The following SAXO1 variants were observed in gnomAD, a reference collection of about 807,000 sequenced individuals.
The protein encoded by SAXO1 is 4930500O09Rik.
A neutral mutation model predicts 17.5 loss-of-function variants in SAXO1; 21 were observed. The observed-to-expected ratio is 1.20, with a 90% confidence interval of 0.85 to 1.72. The LOEUF is 1.72. Ranked by LOEUF, SAXO1 falls within the 40% of genes most tolerant of loss-of-function variation. SAXO1 has a pLI of 0.00. For missense variants in SAXO1, 843 were observed against 596.0 expected, an observed-to-expected ratio of 1.41 and a Z score of -4.32; for synonymous variants, 274 against 216.5, an observed-to-expected ratio of 1.27 and a Z score of -2.33.
At chr9:19,016,611 G>A (rs1834984889) in intron 1 of SAXO1, among the ~76,000 whole-genome samples, 1 of 151,948 alleles carries the variant, frequency 6.6e-6, no homozygotes, top group Non-Finnish European at 1.5e-5. Flanking sequence ...AGTGGGTAGT[G>A]GTCAAGGATA....
At chr9:19,025,604 G>A (rs1202951702) in intron 1 of SAXO1, among the ~76,000 whole-genome samples, 1 of 151,984 alleles carries the variant, frequency 6.6e-6, no homozygotes, top group Non-Finnish European at 1.5e-5. Context: ...GTCCTCTATG[G>A]GACTACCTTT....
At chr9:18,959,703 G>T (rs1373763538) in intron 1 of SAXO1, among the ~76,000 whole-genome samples, 3 of 151,942 alleles carry the variant, frequency 2.0e-5, no homozygotes, top group African/African-American at 7.3e-5. Flanking sequence ...CCAGGGAGGC[G>T]GAGGTTGCAA....
intron 3 of SAXO1, among the ~76,000 whole-genome samples, chr9:18,931,669 C>T (rs1490563735): frequency 1.3e-5 from 2 of 152,176 alleles, no homozygotes; most frequent in African/African-American, 4.8e-5. Flanking sequence ...TCTCCACATC[C>T]TTGTCAATAT....
At chr9:19,017,957 TAGG>T (rs1334026259) in intron 1 of SAXO1, among the ~76,000 whole-genome samples, 16 of 152,174 alleles carry the variant, frequency 1.1e-4, no homozygotes, top group Admixed American at 7.9e-4. Context: ...CACTTGAGCC[TAGG>T]AGGTGACGAT....
chr9:18,996,853 G>GA (rs1006146231), intron 1 of SAXO1, among the ~76,000 whole-genome samples: 76 of 150,698 alleles, frequency 5.0e-4, no homozygotes, highest in African/African-American at 1.8e-3. Context: ...AATGAGGCAA[G>GA]AAAAAAAACA....
rs147337661 is a variant in SAXO1 at position 18,965,036 on chromosome 9, G to A, written c.39-14099C>T. Among the ~76,000 whole-genome samples, 379 of 152,308 alleles carry A rather than the reference G, an allele frequency of 2.5e-3. 1 individual carries two copies. Among genetic ancestry groups the A allele is most frequent in the African/African-American group, 8.7e-3 (363 of 41,566 alleles). On this transcript the variant is annotated intron_variant, in intron 1 of 3. Transcript: ENST00000380534. ...TTACCCAGTAGACATTCAGGAGCAG[G>A]TTGTTCAGTTTCCATGTAGTCGTGC...
At chr9:18,940,901 T>G (rs551337816) in intron 3 of SAXO1, among the ~76,000 whole-genome samples, 1 of 152,314 alleles carries the variant, frequency 6.6e-6, no homozygotes, top group Admixed American at 6.5e-5. Context: ...TTATATAAAG[T>G]TCAAAACTGG....
At position 18,957,320 on chromosome 9, in the gene SAXO1, C is replaced by T. The variant is rs191305484; in HGVS notation, c.39-6383G>A. ...TAATAATCAGGGAAATAAAATGGAA[C>T]GCTAGATGTAGAAGAACCCTACAGA... On this transcript the variant is annotated intron_variant, in intron 1 of 3. Coordinates refer to ENST00000380534, the MANE Select transcript of SAXO1 (RefSeq NM_153707.4). Among the ~76,000 whole-genome samples the T allele has an allele frequency of 2.6e-5, 4 of 152,290 alleles. No homozygotes were observed. In the East Asian group the frequency reaches 5.8e-4, roughly 22 times the overall value.
At chr9:18,939,739 C>T (rs964221499) in intron 3 of SAXO1, among the ~76,000 whole-genome samples, 2 of 151,976 alleles carry the variant, frequency 1.3e-5, no homozygotes, top group East Asian at 3.9e-4. Context: ...GGGTTTTTAT[C>T]GTAATAGGAT....
intron 1 of SAXO1, among the ~76,000 whole-genome samples, chr9:19,040,552 G>A (rs1563998134): frequency 6.6e-6 from 1 of 152,038 alleles, no homozygotes; most frequent in Non-Finnish European, 1.5e-5. Flanking sequence ...GCTGAGGCAT[G>A]AGAATCACTT....
chr9:19,004,418 T>C lies in SAXO1; in HGVS notation c.38+28453A>G, dbSNP rs1032647938. 3.9e-5 allele frequency among the ~76,000 whole-genome samples: 6 copies of C among 152,214 alleles called. No individual in the cohort carries two copies. In the East Asian group the frequency reaches 5.8e-4, roughly 15 times the overall value. ...GCTACTATAAAGACACATGCACATA[T>C]ATGTTTATTGCGGCACTATTCACAA... On this transcript the variant is annotated intron_variant, in intron 1 of 3. Coordinates refer to ENST00000380534, the MANE Select transcript of SAXO1 (RefSeq NM_153707.4).
intron 1 of SAXO1, among the ~76,000 whole-genome samples, chr9:19,005,116 T>C (rs929213149): frequency 2.6e-5 from 4 of 152,122 alleles, no homozygotes; most frequent in African/African-American, 4.8e-5. Flanking sequence ...CTACAAGACA[T>C]TGCTGAAAGA....
At chr9:18,964,260 T>G (rs1371330429) in intron 1 of SAXO1, among the ~76,000 whole-genome samples, 1 of 152,232 alleles carries the variant, frequency 6.6e-6, no homozygotes. Flanking sequence ...TGCCAGATTT[T>G]GGTATCGGGA....
chr9:18,944,115 T>A (rs1344515939), intron 2 of SAXO1, among the ~76,000 whole-genome samples: 1 of 152,198 alleles, frequency 6.6e-6, no homozygotes, highest in African/African-American at 2.4e-5. Flanking sequence ...CCAATCGCCT[T>A]TTCCAGTATA....
intron 1 of SAXO1, among the ~76,000 whole-genome samples, chr9:18,965,964 G>C (rs1432756661): frequency 6.6e-6 from 1 of 152,280 alleles, no homozygotes; most frequent in Non-Finnish European, 1.5e-5. Flanking sequence ...CTCAGCATTG[G>C]CTTGTCTGTA....
At chr9:19,031,194 T>C (rs1211043793) in intron 1 of SAXO1, among the ~76,000 whole-genome samples, 2 of 152,244 alleles carry the variant, frequency 1.3e-5, no homozygotes, top group African/African-American at 4.8e-5. Context: ...TGTGCAAAGA[T>C]GGAGACTATG....
chr9:18,969,518 C>G (rs1246758193), intron 1 of SAXO1, among the ~76,000 whole-genome samples: 2 of 152,208 alleles, frequency 1.3e-5, no homozygotes, highest in African/African-American at 2.4e-5. Context: ...CACTATCTCA[C>G]CCCTATCCAA....
chr9:18,969,392 C>A (rs1458414365), intron 1 of SAXO1, among the ~76,000 whole-genome samples: 1 of 152,136 alleles, frequency 6.6e-6, no homozygotes, highest in Non-Finnish European at 1.5e-5. Context: ...CTGTGAATTT[C>A]GGATGAAACC....
intron 3 of SAXO1, among the ~76,000 whole-genome samples, chr9:18,931,733 A>T (rs552584650): frequency 6.6e-6 from 1 of 152,320 alleles, no homozygotes; most frequent in South Asian, 2.1e-4. Context: ...GGTATTTAGT[A>T]GTATCTTGCA....
Sources: gnomAD v4.1 joint callset for allele counts (sites outside exome capture counted in the v4.1 genomes callset) on GRCh38, gnomAD v4.1.1 for gene constraint, MANE v1.5 for transcripts, NCBI Gene and HGNC (gene_info 2026-07-23, HGNC 2026-07-21) for gene names.